The following HDAC9 variants were observed in gnomAD, a reference collection of about 807,000 sequenced individuals.
HDAC9 encodes the protein histone deacetylase 9.
In HDAC9, 41 loss-of-function variants were observed where a neutral mutation model predicts 139.4. That is an observed-to-expected ratio of 0.29 (90% CI 0.23 to 0.38). The LOEUF is 0.38. Among genes scored for constraint, HDAC9 ranks in the 10% least tolerant of loss-of-function variants. The pLI is 1.00. For missense variants in HDAC9, 1,147 were observed against 1,297.0 expected (o/e 0.88, Z 1.78); for synonymous variants, 517 against 476.2 (o/e 1.09, Z -1.12).
At chr7:18,518,611 A>G (rs1363820213) in intron 2 of HDAC9, among the ~76,000 whole-genome samples, 1 of 152,096 alleles carries the variant, frequency 6.6e-6, no homozygotes. Flanking sequence ...AAGAAAACCA[A>G]CCCATCTTCC....
chr7:18,792,731 C>G (rs888989890), intron 16 of HDAC9, among the ~76,000 whole-genome samples: 7 of 152,132 alleles, frequency 4.6e-5, no homozygotes, highest in Non-Finnish European at 1.0e-4. Flanking sequence ...ATACTTTGAA[C>G]ATCACATTTC....
At chr7:18,620,447 A>G (rs536998947) in intron 6 of HDAC9, among the ~76,000 whole-genome samples, 1 of 152,062 alleles carries the variant, frequency 6.6e-6, no homozygotes, top group East Asian at 1.9e-4. Context: ...TTGTCCTAGT[A>G]TTAAAAAAAC....
intron 1 of HDAC9, among the ~76,000 whole-genome samples, chr7:18,348,661 A>C (rs1345345305): frequency 6.6e-6 from 1 of 152,166 alleles, no homozygotes; most frequent in Admixed American, 6.5e-5. Flanking sequence ...AGAGGTAAAG[A>C]ATCCTTTAAC....
intron 23 of HDAC9, among the ~76,000 whole-genome samples, chr7:18,950,635 T>A (rs1782727166): frequency 6.6e-6 from 1 of 152,022 alleles, no homozygotes; most frequent in African/African-American, 2.4e-5. Context: ...TAAAAATGAC[T>A]TTCTACTACA....
At chr7:18,678,907 G>T (rs746727485) in intron 12 of HDAC9, among the ~76,000 whole-genome samples, 1 of 151,880 alleles carries the variant, frequency 6.6e-6, no homozygotes, top group Non-Finnish European at 1.5e-5. Context: ...GTTTGTGCAA[G>T]TCTATCATAA....
intron 17 of HDAC9, among the ~76,000 whole-genome samples, chr7:18,804,855 C>A (rs142153701): frequency 6.6e-6 from 1 of 152,110 alleles, no homozygotes; most frequent in Non-Finnish European, 1.5e-5. Flanking sequence ...TGTGCAGGGG[C>A]GTAATCTCTG....
chr7:18,470,591 A>T (rs1193507890), intron 1 of HDAC9, among the ~76,000 whole-genome samples: 2 of 152,198 alleles, frequency 1.3e-5, no homozygotes, highest in Admixed American at 1.3e-4. Context: ...AGATAGCAGT[A>T]AATATTTTGG....
intron 2 of HDAC9, among the ~76,000 whole-genome samples, chr7:18,236,351 C>G (rs1378823856): frequency 2.0e-5 from 3 of 152,148 alleles, no homozygotes; most frequent in African/African-American, 7.2e-5. Context: ...CCCTCCAACC[C>G]AGAAACCCTA....
chr7:18,364,549 C>G (rs773065176), intron 1 of HDAC9, among the ~76,000 whole-genome samples: 5 of 151,974 alleles, frequency 3.3e-5, no homozygotes, highest in Non-Finnish European at 5.9e-5. Context: ...TATACCTTTG[C>G]TACTCAGAAT....
intron 2 of HDAC9, among the ~76,000 whole-genome samples, chr7:18,500,615 G>C (rs185127532): frequency 6.6e-6 from 1 of 152,200 alleles, no homozygotes; most frequent in Non-Finnish European, 1.5e-5. Flanking sequence ...ACCATTTTGG[G>C]TTGTTCTTGT....
intron 13 of HDAC9, among the ~76,000 whole-genome samples, chr7:18,747,957 C>T (rs1206705141): frequency 6.6e-6 from 1 of 152,104 alleles, no homozygotes; most frequent in Non-Finnish European, 1.5e-5. Context: ...TTATCTATTC[C>T]TGAAGATTTT....
At chr7:18,964,163 C>T (rs1215266151) in intron 24 of HDAC9, among the ~76,000 whole-genome samples, 4 of 152,102 alleles carry the variant, frequency 2.6e-5, no homozygotes, top group Non-Finnish European at 4.4e-5. Context: ...GGCCCATTAC[C>T]ATTCTACTGC....
At chr7:18,975,981 C>T (rs1279456477) in intron 25 of HDAC9, 28 bp downstream of exon 25, 16 of 1,607,370 alleles carry the variant, frequency 1.0e-5, no homozygotes, top group Middle Eastern at 1.9e-4. Flanking sequence ...GGGAATAATC[C>T]GGGTCAGTCA....
At chr7:18,829,284 G>C (rs138291818) in intron 18 of HDAC9, 68 bp downstream of exon 18, 2 of 1,307,440 alleles carry the variant, frequency 1.5e-6, no homozygotes, top group East Asian at 2.3e-5. Context: ...CCCCGTGCAT[G>C]TTTCTGAAGC....
At chr7:18,306,340 A>G (rs1481494173) in intron 1 of HDAC9, among the ~76,000 whole-genome samples, 6 of 152,322 alleles carry the variant, frequency 3.9e-5, no homozygotes, top group East Asian at 1.9e-4. Context: ...TTAGAAGTCA[A>G]TGTCTGGCCA....
intron 1 of HDAC9, among the ~76,000 whole-genome samples, chr7:18,299,762 C>T (rs1798411451): frequency 6.6e-6 from 1 of 152,168 alleles, no homozygotes; most frequent in Non-Finnish European, 1.5e-5. Context: ...AAAGGAAAAT[C>T]TCCAGAATTA....
intron 22 of HDAC9, among the ~76,000 whole-genome samples, chr7:18,897,602 G>A (rs1035153561): frequency 5.9e-5 from 9 of 151,724 alleles, no homozygotes; most frequent in Non-Finnish European, 1.3e-4. Flanking sequence ...ATGTTTTACT[G>A]GAGAAGATCT....
chr7:18,459,672 G>T (rs1793661735), intron 1 of HDAC9, among the ~76,000 whole-genome samples: 1 of 152,100 alleles, frequency 6.6e-6, no homozygotes. Flanking sequence ...ATTTGCAAGT[G>T]TAGATTTGGG....
At chr7:18,399,162 C>T (rs1187014952) in intron 1 of HDAC9, among the ~76,000 whole-genome samples, 1 of 152,144 alleles carries the variant, frequency 6.6e-6, no homozygotes, top group African/African-American at 2.4e-5. Context: ...ATAATTTCCT[C>T]TCCTTTGGAC....
Sources: allele counts gnomAD v4.1 joint callset (sites outside exome capture counted in the v4.1 genomes callset), GRCh38; gene constraint gnomAD v4.1.1; transcripts MANE v1.5; gene names NCBI Gene and HGNC (gene_info 2026-07-23, HGNC 2026-07-21).